Variants in SNX24 observed in about 807,000 individuals in gnomAD.
SNX24 encodes sorting nexin-24.
SNX24 carries 22 observed loss-of-function variants against 28.7 expected under a neutral mutation model. That is an observed-to-expected ratio of 0.77 (90% CI 0.55 to 1.10). SNX24 has a LOEUF of 1.10. Ranked by LOEUF, SNX24 falls within the 50% of genes least tolerant of loss-of-function variation. SNX24 has a pLI of 0.00. For synonymous variants in SNX24, 69 were observed against 71.5 expected (o/e 0.96, Z 0.18); for missense variants, 221 against 201.1 (o/e 1.10, Z -0.60).
intron 3 of SNX24, among the ~76,000 whole-genome samples, chr5:122,993,992 A>G (rs965050345): frequency 2.0e-5 from 3 of 152,140 alleles, no homozygotes; most frequent in East Asian, 1.9e-4. Flanking sequence ...TTTTGTGACA[A>G]AGAGGTTCTC....
chr5:122,882,436 C>G (rs959079559), intron 1 of SNX24, among the ~76,000 whole-genome samples: 1 of 152,190 alleles, frequency 6.6e-6, no homozygotes, highest in South Asian at 2.1e-4. Flanking sequence ...TGTACCACCC[C>G]CTAACTCTTG....
chr5:122,983,507 C>T (rs980716762), intron 3 of SNX24, among the ~76,000 whole-genome samples: 2 of 152,198 alleles, frequency 1.3e-5, no homozygotes, highest in Non-Finnish European at 2.9e-5. Context: ...CTGATGAGAG[C>T]AGACTTAGCC....
intron 1 of SNX24, among the ~76,000 whole-genome samples, chr5:122,879,182 G>A (rs1439512414): frequency 3.9e-5 from 6 of 151,990 alleles, no homozygotes; most frequent in Non-Finnish European, 8.8e-5. Context: ...TTGAAACTTG[G>A]TGTTTTTATA....
intron 2 of SNX24, among the ~76,000 whole-genome samples, chr5:122,941,485 C>T (rs1759442541): frequency 6.6e-6 from 1 of 152,142 alleles, no homozygotes; most frequent in South Asian, 2.1e-4. Flanking sequence ...CAAGACATTG[C>T]AAGTTCTCCT....
At chr5:122,972,789 C>T (rs533098835) in intron 3 of SNX24, among the ~76,000 whole-genome samples, 1 of 152,126 alleles carries the variant, frequency 6.6e-6, no homozygotes, top group Non-Finnish European at 1.5e-5. Context: ...GGAAGAGGTC[C>T]AGTATAATCA....
intron 1 of SNX24, among the ~76,000 whole-genome samples, chr5:122,928,919 C>T (rs1419516082): frequency 6.6e-6 from 1 of 150,922 alleles, no homozygotes; most frequent in Non-Finnish European, 1.5e-5. Context: ...AAATTATAGC[C>T]GTATACTCAT....
At chr5:122,874,185 A>T (rs1051744571) in intron 1 of SNX24, among the ~76,000 whole-genome samples, 2 of 152,262 alleles carry the variant, frequency 1.3e-5, no homozygotes, top group African/African-American at 4.8e-5. Context: ...GCAAGATTAA[A>T]TATGAACAAA....
At chr5:122,962,580 GA>G (rs1760529262) in intron 3 of SNX24, among the ~76,000 whole-genome samples, 1 of 152,214 alleles carries the variant, frequency 6.6e-6, no homozygotes, top group African/African-American at 2.4e-5. Context: ...ATCTTGGGTA[GA>G]CAAGCCTGAT....
chr5:122,914,505 G>A (rs1346807422), intron 1 of SNX24, among the ~76,000 whole-genome samples: 2 of 150,806 alleles, frequency 1.3e-5, no homozygotes, highest in Admixed American at 6.6e-5. Context: ...GGTAGAATTC[G>A]GCTGTGAATC....
chr5:122,964,535 C>T (rs886241292), intron 3 of SNX24, among the ~76,000 whole-genome samples: 12 of 151,954 alleles, frequency 7.9e-5, no homozygotes, highest in Admixed American at 3.9e-4. Flanking sequence ...AATATTATAT[C>T]ATCTATAATG....
rs148368575 is a variant in SNX24 at position 122,850,353 on chromosome 5, G to A, written c.60+4660G>A. Reference sequence around the variant, plus strand: ...AAGGTTACTAATCCCAGTTATGAGGGCTCTGCCCATGACCTCATCACTTCC... The same window carrying A: ...AAGGTTACTAATCCCAGTTATGAGGACTCTGCCCATGACCTCATCACTTCC... On this transcript the variant is annotated intron_variant, in intron 1 of 6. Coordinates refer to ENST00000261369, the MANE Select transcript of SNX24 (RefSeq NM_014035.4). Among the ~76,000 whole-genome samples, 9 of 152,238 alleles carry A rather than the reference G, an allele frequency of 5.9e-5. No individual in the cohort carries two copies. The East Asian group carries it at 1.7e-3, about 29-fold the overall frequency.
chr5:123,025,409 T>G (rs2150188388), intron 5 of SNX24, among the ~76,000 whole-genome samples: 1 of 152,364 alleles, frequency 6.6e-6, no homozygotes, highest in East Asian at 1.9e-4. Flanking sequence ...AGTATTTGTC[T>G]TCCTACGACT....
At chr5:122,943,001 T>C (rs1367365246) in intron 2 of SNX24, among the ~76,000 whole-genome samples, 4 of 152,200 alleles carry the variant, frequency 2.6e-5, no homozygotes, top group Admixed American at 1.3e-4. Context: ...TTCTGAAATA[T>C]ATGTTGTGAT....
intron 2 of SNX24, 41 bp from the exon 3 acceptor site, chr5:122,946,012 CTG>C (rs1491193741): frequency 5.8e-6 from 5 of 865,970 alleles, no homozygotes; most frequent in East Asian, 3.1e-5. Flanking sequence ...ACAGACATCT[CTG>C]TTTTTTTTTT....
At chr5:123,015,404 A>G (rs1408020302) in intron 5 of SNX24, among the ~76,000 whole-genome samples, 2 of 152,228 alleles carry the variant, frequency 1.3e-5, no homozygotes, top group East Asian at 3.8e-4. Flanking sequence ...TTTGCTCACC[A>G]GTCTGACAAA....
intron 1 of SNX24, among the ~76,000 whole-genome samples, chr5:122,865,714 G>A (rs548255388): frequency 6.6e-6 from 1 of 152,308 alleles, no homozygotes; most frequent in South Asian, 2.1e-4. Context: ...ATGGAGGTGA[G>A]AGGAGGCAGG....
At chr5:122,896,569 A>G (rs777056228) in intron 1 of SNX24, among the ~76,000 whole-genome samples, 2 of 152,140 alleles carry the variant, frequency 1.3e-5, no homozygotes, top group Non-Finnish European at 2.9e-5. Flanking sequence ...CATTACCTAT[A>G]GTTACCAGTT....
intron 3 of SNX24, among the ~76,000 whole-genome samples, chr5:122,953,801 A>T (rs1238655512): frequency 6.6e-6 from 1 of 152,214 alleles, no homozygotes. Context: ...TTTTGTAAAC[A>T]GTAATTAAAT....
rs1252817395 is a variant in SNX24, at chr5:122,946,163, A to G, written c.249+4A>G. ...AGGCTTGGAAACATACTTACAGGTA[A>G]GATATGTTTAGATCCTCATTTTATA... On this transcript the variant is annotated splice_donor_region_variant and intron_variant, in intron 3 of 6. Coordinates refer to ENST00000261369, the MANE Select transcript of SNX24 (RefSeq NM_014035.4). 4.0e-6 allele frequency: 6 copies of G among 1,490,460 alleles called. No individual in the cohort carries two copies. The highest frequency in any genetic ancestry group is 4.7e-6 in the Non-Finnish European group (5 of 1,070,606). 92.3% of individuals were successfully genotyped at this position (1,490,460 alleles called of 1,614,324 possible).
Sources: gnomAD v4.1 joint callset for allele counts (sites outside exome capture counted in the v4.1 genomes callset) on GRCh38, gnomAD v4.1.1 for gene constraint, MANE v1.5 for transcripts, NCBI Gene and HGNC (gene_info 2026-07-23, HGNC 2026-07-21) for gene names.